Variants in WWC2 observed in about 807,000 individuals in gnomAD.
The protein encoded by WWC2 is WW and C2 domain containing 2.
A neutral mutation model predicts 138.5 loss-of-function variants in WWC2; 101 were observed. The observed-to-expected ratio is 0.73, with a 90% CI of 0.62 to 0.86. WWC2 has a LOEUF of 0.86. Among genes scored for constraint, WWC2 ranks in the 40% least tolerant of loss-of-function variants. The pLI is 0.00. For synonymous variants in WWC2, 558 were observed against 538.4 expected, an observed-to-expected ratio of 1.04 and a Z score of -0.50; for missense variants, 1,420 against 1,419.4, an observed-to-expected ratio of 1.00 and a Z score of -0.01.
At chr4:183,198,863 C>T (rs1038496509) in intron 2 of WWC2, among the ~76,000 whole-genome samples, 12 of 146,264 alleles carry the variant, frequency 8.2e-5, no homozygotes, top group Non-Finnish European at 1.6e-4. Flanking sequence ...CACATTACTG[C>T]TTTCAAAATG....
chr4:183,254,480 C>G (rs1385570967), intron 9 of WWC2, among the ~76,000 whole-genome samples: 1 of 152,212 alleles, frequency 6.6e-6, no homozygotes, highest in Non-Finnish European at 1.5e-5. Context: ...CAGTTGCATC[C>G]CTCCCGTGAA....
intron 1 of WWC2, among the ~76,000 whole-genome samples, chr4:183,167,519 C>T (rs1734159947): frequency 6.6e-6 from 1 of 152,106 alleles, no homozygotes; most frequent in African/African-American, 2.4e-5. Flanking sequence ...CTCCGGATGT[C>T]CTGATGTCCC....
intron 4 of WWC2, 86 bp downstream of exon 4, chr4:183,209,111 A>C: frequency 1.1e-6 from 1 of 927,768 alleles, no homozygotes; most frequent in Non-Finnish European, 1.7e-6. Context: ...ATCAGTTCTC[A>C]TCTCCATTTG....
chr4:183,175,411 G>GCCA (rs1235457604), intron 1 of WWC2, among the ~76,000 whole-genome samples: 1 of 151,998 alleles, frequency 6.6e-6, no homozygotes, highest in Non-Finnish European at 1.5e-5. Context: ...ACAGGCACAC[G>GCCA]CCACCACACC....
chr4:183,144,413 T>A (rs1297408836), intron 1 of WWC2, among the ~76,000 whole-genome samples: 1 of 151,878 alleles, frequency 6.6e-6, no homozygotes, highest in Non-Finnish European at 1.5e-5. Flanking sequence ...TTTTTTTATT[T>A]AAAAAAAACT....
At chr4:183,195,613 G>A (rs947597260) in intron 2 of WWC2, among the ~76,000 whole-genome samples, 1 of 152,104 alleles carries the variant, frequency 6.6e-6, no homozygotes, top group African/African-American at 2.4e-5. Context: ...TTGTCTTAAT[G>A]TATAAACACT....
chr4:183,319,757 T>G lies in WWC2; in HGVS notation c.*4028T>G, dbSNP rs1739572922. ...CAAACTCCCACCTGGGGACAAAGTC[T>G]GGGACGTTCTCATCCCAGAACTCCT... On this transcript the variant is annotated 3_prime_UTR_variant, in exon 23 of 23. Transcript: ENST00000403733. 9 of 1,613,976 alleles carry G rather than the reference T, an allele frequency of 5.6e-6. No homozygotes were observed. The highest frequency in any genetic ancestry group is 7.6e-6 in the Non-Finnish European group (9 of 1,179,910).
intron 21 of WWC2, among the ~76,000 whole-genome samples, chr4:183,294,070 G>A (rs1057068132): frequency 3.3e-5 from 5 of 151,954 alleles, no homozygotes; most frequent in African/African-American, 1.2e-4. Context: ...CTAGGCTCTG[G>A]GCCATATGAT....
intron 21 of WWC2, among the ~76,000 whole-genome samples, chr4:183,300,871 C>G (rs1318187659): frequency 6.6e-6 from 1 of 152,100 alleles, no homozygotes; most frequent in African/African-American, 2.4e-5. Flanking sequence ...AAAGACTTCT[C>G]TGCAAGGGAT....
At chr4:183,166,834 A>T (rs1734143195) in intron 1 of WWC2, among the ~76,000 whole-genome samples, 1 of 152,188 alleles carries the variant, frequency 6.6e-6, no homozygotes, top group Non-Finnish European at 1.5e-5. Context: ...CTTATTGGAT[A>T]AAAAGGTAAT....
chr4:183,268,877 C>T (rs1248346165), intron 14 of WWC2, 94 bp from the exon 15 acceptor site: 1 of 1,300,316 alleles, frequency 7.7e-7, no homozygotes, highest in Non-Finnish European at 1.1e-6. Flanking sequence ...CACGATCCCT[C>T]ATTTTCTCTC....
At chr4:183,162,054 G>A (rs1733976908) in intron 1 of WWC2, among the ~76,000 whole-genome samples, 1 of 152,130 alleles carries the variant, frequency 6.6e-6, no homozygotes, top group Admixed American at 6.5e-5. Flanking sequence ...GACATTGAAA[G>A]TACAAAGGAA....
intron 1 of WWC2, among the ~76,000 whole-genome samples, chr4:183,132,515 G>A (rs1001430664): frequency 3.8e-4 from 57 of 150,898 alleles, no homozygotes; most frequent in Admixed American, 1.4e-3. Context: ...GTGCTGTGGC[G>A]CGATCTCAGC....
chr4:183,238,510 T>G (rs991180088), intron 4 of WWC2, among the ~76,000 whole-genome samples: 3 of 152,212 alleles, frequency 2.0e-5, no homozygotes, highest in Non-Finnish European at 4.4e-5. Context: ...GTGGCATCTG[T>G]GTATCAGTCC....
At chr4:183,179,115 T>G (rs1005603723) in intron 1 of WWC2, among the ~76,000 whole-genome samples, 15 of 152,182 alleles carry the variant, frequency 9.9e-5, no homozygotes, top group Non-Finnish European at 1.8e-4. Flanking sequence ...TCATAAATTA[T>G]ATTGTTGAAT....
intron 1 of WWC2, among the ~76,000 whole-genome samples, chr4:183,163,218 GTACT>G (rs1325737830): frequency 6.6e-6 from 1 of 152,186 alleles, no homozygotes; most frequent in African/African-American, 2.4e-5. Flanking sequence ...GAGATGTTTA[GTACT>G]TAAAGTGTGC....
intron 6 of WWC2, among the ~76,000 whole-genome samples, chr4:183,247,385 G>T: frequency 6.6e-6 from 1 of 150,984 alleles, no homozygotes; most frequent in African/African-American, 2.4e-5. Flanking sequence ...CTGTATAGAT[G>T]GAAAAATAGA....
At chr4:183,136,804 C>G (rs1733129252) in intron 1 of WWC2, among the ~76,000 whole-genome samples, 1 of 152,108 alleles carries the variant, frequency 6.6e-6, no homozygotes, top group African/African-American at 2.4e-5. Flanking sequence ...CTTCTTCTTC[C>G]AGTGTGGCCC....
intron 21 of WWC2, among the ~76,000 whole-genome samples, chr4:183,300,027 C>T (rs573017248): frequency 1.3e-5 from 2 of 152,252 alleles, no homozygotes; most frequent in East Asian, 1.9e-4. Context: ...TTGGTGTCCT[C>T]GTGTATTGTA....
Sources: gnomAD v4.1 joint callset for allele counts (sites outside exome capture counted in the v4.1 genomes callset) on GRCh38, gnomAD v4.1.1 for gene constraint, MANE v1.5 for transcripts, NCBI Gene and HGNC (gene_info 2026-07-23, HGNC 2026-07-21) for gene names.